The following ANKRD36 variants were observed in gnomAD, a reference collection of about 807,000 sequenced individuals.
ANKRD36 encodes the protein ankyrin repeat domain 36.
A neutral mutation model predicts 278.1 loss-of-function variants in ANKRD36; 179 were observed. That is an observed-to-expected ratio of 0.64 (90% CI 0.57 to 0.73). The LOEUF (loss-of-function observed/expected upper bound fraction) is 0.73, where lower values mean the gene tolerates loss of function less well. ANKRD36 is among the 30% of genes least tolerant of loss of function. ANKRD36 has a pLI of 0.00. For synonymous variants in ANKRD36, 320 were observed against 641.1 expected (o/e 0.50, Z 7.57); for missense variants, 1,159 against 1,956.7 (o/e 0.59, Z 7.69).
rs772853654 is a variant in ANKRD36 at position 97,179,888 on chromosome 2, T to G, written c.1690T>G (p.Ser564Ala). ...KATSDDKDSVSNIATEIKEGP... is the reference protein window; with the variant it reads ...KATSDDKDSVANIATEIKEGP... ...TACAAGTGACGACAAAGATTCTGTT[T>G]CAAATATAGCCACAGAAATAAAGGA... is the stretch of plus-strand genomic sequence containing the variant. Residue 564 changes from serine (S) to alanine (A), a missense_variant, in exon 24 of 76, where the codon TCA becomes GCA. Physicochemically the swap from Ser to Ala is moderately conservative, Grantham distance 99. Transcript: ENST00000420699. 7 of 1,605,732 alleles carry G rather than the reference T, an allele frequency of 4.4e-6. 1 individual carries two copies. In the Admixed American group the frequency reaches 6.7e-5, roughly 15 times the overall value.
At chr2:97,234,650 G>C (rs2073189522) in intron 68 of ANKRD36, among the ~76,000 whole-genome samples, 1 of 112,500 alleles carries the variant, frequency 8.9e-6, no homozygotes, top group Non-Finnish European at 1.7e-5. Flanking sequence ...AGCAGTAAAT[G>C]ACCATTCCAG....
At chr2:97,202,141 A>G in intron 46 of ANKRD36, 61 bp from the exon 47 acceptor site, 1 of 1,602,516 alleles carries the variant, frequency 6.2e-7, no homozygotes, top group Non-Finnish European at 8.5e-7. Flanking sequence ...CAGTGCTCGA[A>G]TGTATGGAAA....
chr2:97,135,478 A>G (rs4366945), intron 6 of ANKRD36, among the ~76,000 whole-genome samples: 89,257 of 151,498 alleles, frequency 0.59, 30,521 homozygotes, highest in Non-Finnish European at 0.78. Context: ...ATCATGTACT[A>G]TAGTCACCCT....
chr2:97,159,575 T>C lies in ANKRD36; in HGVS notation c.1389+920T>C, dbSNP rs1324495746. ...GTTTTAGGCTATATCAGATTTTGAA[T>C]GAATCATTACTTTTTGACTCTTGTT... On this transcript the variant is annotated intron_variant, in intron 17 of 75. Transcript: ENST00000420699. Among the ~76,000 whole-genome samples, 9 of 151,414 alleles carry C rather than the reference T, an allele frequency of 5.9e-5. 2 individuals carry two copies. In the East Asian group the frequency reaches 1.8e-3, roughly 30 times the overall value.
Position 97,144,956 on chromosome 2 carries a change from G to T in ANKRD36, c.1003+244G>T, listed in dbSNP as rs577875542. On this transcript the variant is annotated intron_variant, in intron 10 of 75. Coordinates refer to ENST00000420699, the MANE Select transcript of ANKRD36 (RefSeq NM_001354587.1). ...GAAGAACAATTGGAGAGCAGTTCAA[G>T]ATACAAGAGTCTGAGGGGACAGCAT... Among the ~76,000 whole-genome samples, 13 of 152,102 alleles carry T rather than the reference G, an allele frequency of 8.5e-5. No individual in the cohort carries two copies. In the South Asian group the frequency reaches 2.7e-3, roughly 32 times the overall value.
In ANKRD36 at chr2:97,133,962, C is replaced by T. The variant is rs978671492; in HGVS notation, c.799+6828C>T. ...AAAGTCCATAGTTTATATTTAAGTT[C>T]CCTCTTGGTATTGTACCTTCTATAA... On this transcript the variant is annotated intron_variant, in intron 6 of 75. Coordinates refer to ENST00000420699, the MANE Select transcript of ANKRD36 (RefSeq NM_001354587.1). Among the ~76,000 whole-genome samples the T allele has an allele frequency of 3.3e-5, 5 of 152,114 alleles. 1 individual carries two copies. The highest frequency in any genetic ancestry group is 1.2e-4 in the African/African-American group (5 of 41,486).
At chr2:97,198,994 A>T (rs1281258919) in intron 44 of ANKRD36, among the ~76,000 whole-genome samples, 1 of 151,878 alleles carries the variant, frequency 6.6e-6, no homozygotes, top group Non-Finnish European at 1.5e-5. Flanking sequence ...GAAGTATAGA[A>T]TTTACACACT....
intron 67 of ANKRD36, among the ~76,000 whole-genome samples, chr2:97,228,363 G>C (rs1474337651): frequency 6.6e-6 from 1 of 152,040 alleles, no homozygotes; most frequent in Non-Finnish European, 1.5e-5. Flanking sequence ...GTTTAGTCTT[G>C]GGAGTGTGTA....
At chr2:97,185,102 A>T (rs2057113215) in intron 28 of ANKRD36, among the ~76,000 whole-genome samples, 1 of 151,768 alleles carries the variant, frequency 6.6e-6, no homozygotes, top group Non-Finnish European at 1.5e-5. Context: ...ATGAAAAATC[A>T]TACCATGATT....
At chr2:97,178,828 TA>T (rs201601072) in intron 22 of ANKRD36, among the ~76,000 whole-genome samples, 2 of 151,278 alleles carry the variant, frequency 1.3e-5, no homozygotes, top group East Asian at 2.0e-4. Context: ...TAAAGTATAA[TA>T]AAAAAAAGCA....
intron 67 of ANKRD36, among the ~76,000 whole-genome samples, chr2:97,233,498 GTC>G: frequency 6.6e-6 from 1 of 152,058 alleles, no homozygotes; most frequent in Middle Eastern, 3.4e-3. Flanking sequence ...ATTAACCCAA[GTC>G]TCTCTGTCAG....
chr2:97,202,287 C>G (rs759053160), intron 47 of ANKRD36, 34 bp from the exon 48 acceptor site: 4 of 1,599,350 alleles, frequency 2.5e-6, no homozygotes, highest in Non-Finnish European at 3.4e-6. Context: ...ATGAAACATA[C>G]TTTATTTATT....
At chr2:97,169,790 A>G (rs1463424120) in intron 22 of ANKRD36, among the ~76,000 whole-genome samples, 3 of 152,270 alleles carry the variant, frequency 2.0e-5, no homozygotes, top group Non-Finnish European at 4.4e-5. Flanking sequence ...GAGGACACAA[A>G]CAAATGGAAG....
intron 54 of ANKRD36, among the ~76,000 whole-genome samples, chr2:97,208,970 A>G (rs1195595273): frequency 6.8e-6 from 1 of 146,730 alleles, no homozygotes; most frequent in Non-Finnish European, 1.5e-5. Flanking sequence ...ACGTATGTCA[A>G]AGTTGATAAT....
chr2:97,231,742 CTG>C (rs2072199443), intron 67 of ANKRD36, among the ~76,000 whole-genome samples: 1 of 152,114 alleles, frequency 6.6e-6, no homozygotes, highest in Non-Finnish European at 1.5e-5. Flanking sequence ...ACGCTGGGAG[CTG>C]TAGACTGGAG....
chr2:97,171,892 G>A (rs958383134), intron 22 of ANKRD36, among the ~76,000 whole-genome samples: 1 of 152,028 alleles, frequency 6.6e-6, no homozygotes, highest in Non-Finnish European at 1.5e-5. Context: ...AAAAGCAATG[G>A]CAACAAAAGC....
At chr2:97,179,046 CT>C (rs922471696) in intron 22 of ANKRD36, among the ~76,000 whole-genome samples, 1 of 151,344 alleles carries the variant, frequency 6.6e-6, no homozygotes, top group Non-Finnish European at 1.5e-5. Context: ...ATTTATTACA[CT>C]TTTTGATGAA....
chr2:97,210,298 G>A (rs1271035496), intron 56 of ANKRD36, among the ~76,000 whole-genome samples: 2 of 151,814 alleles, frequency 1.3e-5, no homozygotes, highest in Non-Finnish European at 2.9e-5. Flanking sequence ...GGAGACCCCT[G>A]GTGTAGCAAC....
intron 40 of ANKRD36, among the ~76,000 whole-genome samples, chr2:97,196,323 G>GA (rs1553410735): frequency 4.6e-5 from 7 of 151,776 alleles, no homozygotes; most frequent in African/African-American, 1.7e-4. Flanking sequence ...CTCGGCCTAA[G>GA]ACATTGATAT....
Sources: gnomAD v4.1 joint callset for allele counts (sites outside exome capture counted in the v4.1 genomes callset) on GRCh38, gnomAD v4.1.1 for gene constraint, MANE v1.5 for transcripts, NCBI Gene and HGNC (gene_info 2026-07-23, HGNC 2026-07-21) for gene names.